Variants in RHEX observed in about 807,000 individuals in gnomAD.
The protein encoded by RHEX is regulator of hemoglobinization and erythroid cell expansion.
Under a neutral mutation model 20.1 loss-of-function variants are expected in RHEX, and 18 were observed. That is an observed-to-expected ratio of 0.90 (90% CI 0.62 to 1.33). The LOEUF (loss-of-function observed/expected upper bound fraction) is 1.33, where lower values mean the gene tolerates loss of function less well. Ranked by LOEUF, RHEX falls within the 40% of genes most tolerant of loss-of-function variation. The pLI is 0.00. For missense variants in RHEX, 192 were observed against 214.3 expected, an observed-to-expected ratio of 0.90 and a Z score of 0.65; for synonymous variants, 87 against 77.1, an observed-to-expected ratio of 1.13 and a Z score of -0.67.
At chr1:206,058,594 A>G (rs1386664590) in intron 1 of RHEX, among the ~76,000 whole-genome samples, 1 of 152,250 alleles carries the variant, frequency 6.6e-6, no homozygotes, top group African/African-American at 2.4e-5. Context: ...TTAAAAATCA[A>G]CTCATAACTT....
intron 1 of RHEX, 98 bp from the exon 2 acceptor site, chr1:206,097,635 G>C (rs1553287848): frequency 1.5e-6 from 1 of 681,436 alleles, no homozygotes; most frequent in African/African-American, 1.8e-5. Flanking sequence ...TGAATAAACT[G>C]GGCATGTGTC....
chr1:206,083,712 C>T, intron 1 of RHEX: 1 of 865,596 alleles, frequency 1.2e-6, no homozygotes, highest in Non-Finnish European at 1.4e-6. Context: ...TGTTTGCGAG[C>T]ATATATGTGT....
chr1:206,086,531 C>G (rs192535721), intron 1 of RHEX, among the ~76,000 whole-genome samples: 3 of 152,192 alleles, frequency 2.0e-5, no homozygotes, highest in African/African-American at 7.2e-5. Flanking sequence ...GGCCTCAAAC[C>G]ATCTGTGTCT....
At chr1:206,096,101 G>T (rs1205306689) in intron 1 of RHEX, among the ~76,000 whole-genome samples, 2 of 152,146 alleles carry the variant, frequency 1.3e-5, no homozygotes, top group Non-Finnish European at 1.5e-5. Context: ...AAGCGCTGGG[G>T]TTATAGGTAT....
At chr1:206,080,708 C>T (rs1662718405) in intron 1 of RHEX, among the ~76,000 whole-genome samples, 1 of 152,218 alleles carries the variant, frequency 6.6e-6, no homozygotes, top group Non-Finnish European at 1.5e-5. Context: ...AAGGGGGCCA[C>T]ATGTCCCAGG....
intron 1 of RHEX, among the ~76,000 whole-genome samples, chr1:206,069,845 A>G (rs1553284487): frequency 3.3e-5 from 5 of 152,174 alleles, no homozygotes; most frequent in African/African-American, 1.2e-4. Context: ...AATTACATGA[A>G]TAGTAAAAAC....
chr1:206,073,874 C>A (rs1487420556), intron 1 of RHEX, among the ~76,000 whole-genome samples: 1 of 152,176 alleles, frequency 6.6e-6, no homozygotes, highest in Non-Finnish European at 1.5e-5. Flanking sequence ...CTAAAAAGAA[C>A]TTAATCTTGC....
At chr1:206,085,581 TC>T (rs1662822513) in intron 1 of RHEX, among the ~76,000 whole-genome samples, 1 of 152,202 alleles carries the variant, frequency 6.6e-6, no homozygotes, top group Admixed American at 6.5e-5. Flanking sequence ...AAAACTGCTT[TC>T]CCCAAAATTA....
At chr1:206,097,074 C>G (rs1384370329) in intron 1 of RHEX, among the ~76,000 whole-genome samples, 2 of 152,096 alleles carry the variant, frequency 1.3e-5, no homozygotes, top group Non-Finnish European at 2.9e-5. Context: ...CCTACCTGGC[C>G]CAAGACACTT....
At chr1:206,066,422 G>C (rs1485800673) in intron 1 of RHEX, among the ~76,000 whole-genome samples, 1 of 152,216 alleles carries the variant, frequency 6.6e-6, no homozygotes, top group Non-Finnish European at 1.5e-5. Context: ...TTTGAGACCA[G>C]CCTGACCAAC....
intron 1 of RHEX, among the ~76,000 whole-genome samples, chr1:206,078,605 A>G (rs1553285487): frequency 6.6e-6 from 1 of 152,110 alleles, no homozygotes; most frequent in East Asian, 1.9e-4. Context: ...AAAGCCTGAT[A>G]TTTGTAGTGT....
At position 206,086,530 on chromosome 1, in the gene RHEX, C is replaced by A. The variant is rs184500524; in HGVS notation, c.-96-11203C>A. On this transcript the variant is annotated intron_variant, in intron 1 of 5. Transcript: ENST00000331555. Reference sequence around the variant, plus strand: ...ATGTGGTGAAGGCTCTGGCCTCAAACCATCTGTGTCTGAATTATGTCCCCT... The same window carrying A: ...ATGTGGTGAAGGCTCTGGCCTCAAAACATCTGTGTCTGAATTATGTCCCCT... 1.8e-3 allele frequency among the ~76,000 whole-genome samples: 270 copies of A among 152,274 alleles called. 2 individuals carry two copies. Among genetic ancestry groups the A allele is most frequent in the Admixed American group, 6.3e-3 (96 of 15,294 alleles).
rs377705413 is a variant in RHEX at position 206,063,120 on chromosome 1, T to C, written c.-97+9855T>C. 3.6e-4 allele frequency among the ~76,000 whole-genome samples: 55 copies of C among 152,246 alleles called. No individual in the cohort carries two copies. In the East Asian group the frequency reaches 8.5e-3, roughly 24 times the overall value. On this transcript the variant is annotated intron_variant, in intron 1 of 5. Transcript: ENST00000331555. ...ATTTGACCTAAAAGAAAGGTAAGAA[T>C]GTGACACCTGATGATAAATAGGGAA...
intron 1 of RHEX, among the ~76,000 whole-genome samples, chr1:206,081,725 C>T (rs1022243743): frequency 3.3e-5 from 5 of 152,156 alleles, no homozygotes; most frequent in Non-Finnish European, 5.9e-5. Flanking sequence ...TTTAACAATC[C>T]TATGATCTTG....
intron 1 of RHEX, among the ~76,000 whole-genome samples, chr1:206,065,274 TAA>T (rs59452601): frequency 2.8e-5 from 4 of 141,686 alleles, no homozygotes; most frequent in African/African-American, 2.6e-5. Flanking sequence ...AATGATCAAT[TAA>T]AAAAAAAAAA....
intron 1 of RHEX, among the ~76,000 whole-genome samples, chr1:206,056,842 C>T (rs1011472825): frequency 1.5e-4 from 23 of 152,202 alleles, no homozygotes; most frequent in African/African-American, 5.3e-4. Context: ...TGTCAAGAAT[C>T]ATATTTATGT....
chr1:206,067,053 G>A lies in RHEX; in HGVS notation c.-97+13788G>A, dbSNP rs1239009857. Among the ~76,000 whole-genome samples the A allele has an allele frequency of 2.6e-5, 4 of 152,184 alleles. No individual in the cohort carries two copies. The highest frequency in any genetic ancestry group is 4.4e-5 in the Non-Finnish European group (3 of 68,038). Reference sequence around the variant, plus strand: ...GAGTGGAGTCTGGCCACGGTGTCAGGTGATCTGCTGAAGTCCATGGAAGGA... The same window carrying A: ...GAGTGGAGTCTGGCCACGGTGTCAGATGATCTGCTGAAGTCCATGGAAGGA... On this transcript the variant is annotated intron_variant, in intron 1 of 5. Coordinates refer to ENST00000331555, the MANE Select transcript of RHEX (RefSeq NM_001007544.4). This position sits in a 1 kb window ranked among gnomAD's most constrained non-coding sequence, Gnocchi z 4.6.
chr1:206,086,781 G>C lies in RHEX; in HGVS notation c.-96-10952G>C, dbSNP rs566003482. 6.6e-5 allele frequency among the ~76,000 whole-genome samples: 10 copies of C among 152,294 alleles called. No individual in the cohort carries two copies. The South Asian group carries it at 2.1e-3, about 32-fold the overall frequency. ...CCCAGCACTTTGGGAGGCTGAGACA[G>C]GAGGATTGCTTGAGCCCAGGAGTTT... On this transcript the variant is annotated intron_variant, in intron 1 of 5. Coordinates refer to ENST00000331555, the MANE Select transcript of RHEX (RefSeq NM_001007544.4).
chr1:206,067,375 A>G lies in RHEX; in HGVS notation c.-97+14110A>G, dbSNP rs554614040. Among the ~76,000 whole-genome samples the G allele has an allele frequency of 6.6e-6, 1 of 152,268 alleles. No individual in the cohort carries two copies. Among genetic ancestry groups the G allele is most frequent in the East Asian group, 1.9e-4 (1 of 5,180 alleles). On this transcript the variant is annotated intron_variant, in intron 1 of 5. Coordinates refer to ENST00000331555, the MANE Select transcript of RHEX (RefSeq NM_001007544.4). This position sits in a 1 kb window ranked among gnomAD's most constrained non-coding sequence, Gnocchi z 4.6. ...ATGTAGATAGTTCTTCCTAGCTCTG[A>G]GCTCAAAGTTTCCCAAAGGGTATTT...
Sources: gnomAD v4.1 joint callset for allele counts (sites outside exome capture counted in the v4.1 genomes callset) on GRCh38, gnomAD v4.1.1 for gene constraint, Gnocchi (gnomAD v3.1) non-coding constraint, MANE v1.5 for transcripts, NCBI Gene and HGNC (gene_info 2026-07-23, HGNC 2026-07-21) for gene names.